Variants in PTGER2 observed in about 807,000 individuals in gnomAD.
PTGER2 encodes the protein prostaglandin E2 receptor EP2 subtype.
In PTGER2, 22 loss-of-function variants were observed where a neutral mutation model predicts 26.2. That is an observed-to-expected ratio of 0.84 (90% CI 0.60 to 1.20). PTGER2 has a LOEUF of 1.20. PTGER2 is among the 50% of genes most tolerant of loss of function. PTGER2 has a pLI of 0.00. For missense variants in PTGER2, 458 were observed against 475.2 expected, an observed-to-expected ratio of 0.96 and a Z score of 0.34; for synonymous variants, 219 against 208.9, an observed-to-expected ratio of 1.05 and a Z score of -0.42.
chr14:52,320,146 C>T (rs1364850269), intron 1 of PTGER2, among the ~76,000 whole-genome samples: 1 of 152,166 alleles, frequency 6.6e-6, no homozygotes, highest in Non-Finnish European at 1.5e-5. Flanking sequence ...AACTGGAAGG[C>T]CCTTTATCAT....
chr14:52,326,115 C>G (rs950730118), intron 1 of PTGER2, among the ~76,000 whole-genome samples: 7 of 152,176 alleles, frequency 4.6e-5, no homozygotes, highest in African/African-American at 1.7e-4. Context: ...TATTCCATTC[C>G]TTCCAACCTG....
rs868773265 is a variant in PTGER2, at chr14:52,315,327, C to A, written c.779C>A (p.Thr260Lys). The change falls in exon 1 of 2, where the codon ACG becomes AAG. Residue 260 changes from threonine (T) to lysine (K), a missense_variant. Coordinates refer to ENST00000245457, the MANE Select transcript of PTGER2 (RefSeq NM_000956.4). Reference sequence around the variant, plus strand: ...GAAAGGGTGTCCATGGCGGAGGAGACGGACCACCTCATTCTCCTGGCTATC... The same window carrying A: ...GAAAGGGTGTCCATGGCGGAGGAGAAGGACCACCTCATTCTCCTGGCTATC... ...RGERVSMAEE[T>K]DHLILLAIMT... is the part of the protein sequence containing the mutation. The A allele has an allele frequency of 6.2e-7, 1 of 1,613,246 alleles. No individual in the cohort carries two copies. The highest frequency in any genetic ancestry group is 8.5e-7 in the Non-Finnish European group (1 of 1,179,882).
At position 52,315,179 on chromosome 14, in the gene PTGER2, G is replaced by A. The variant is rs2033824589; in HGVS notation, c.631G>A (p.Val211Met). Residue 211 changes from valine (V) to methionine (M), a missense_variant, in exon 1 of 2, where the codon GTG (valine) becomes ATG (methionine). Coordinates refer to ENST00000245457, the MANE Select transcript of PTGER2 (RefSeq NM_000956.4). ...CCTGCTGCTGCTTCTCATTGTCTCG[G>A]TGCTCGCCTGCAACTTCAGTGTCAT... Reference protein sequence around the residue: ...ATLLLLLIVSVLACNFSVILN... With the variant: ...ATLLLLLIVSMLACNFSVILN... The A allele has an allele frequency of 2.5e-6, 4 of 1,608,272 alleles. No individual in the cohort carries two copies. The highest frequency in any genetic ancestry group is 1.3e-5 in the African/African-American group (1 of 74,874).
chr14:52,323,469 G>A (rs1336286941), intron 1 of PTGER2, among the ~76,000 whole-genome samples: 1 of 152,070 alleles, frequency 6.6e-6, no homozygotes, highest in Admixed American at 6.5e-5. Context: ...GGCCAGGCTG[G>A]TCTCAAACTT....
intron 1 of PTGER2, 53 bp downstream of exon 1, chr14:52,315,444 T>C: frequency 6.3e-7 from 1 of 1,599,482 alleles, no homozygotes; most frequent in Non-Finnish European, 8.5e-7. Flanking sequence ...CTTCTCATGC[T>C]CTCCCCTGAC....
intron 1 of PTGER2, among the ~76,000 whole-genome samples, chr14:52,326,047 C>G (rs375937025): frequency 3.9e-5 from 6 of 152,282 alleles, no homozygotes; most frequent in East Asian, 1.9e-4. Flanking sequence ...GTGTGATCTA[C>G]CTTTGTTTTC....
intron 1 of PTGER2, among the ~76,000 whole-genome samples, chr14:52,325,363 G>A (rs1318986583): frequency 1.3e-5 from 2 of 152,160 alleles, no homozygotes; most frequent in Middle Eastern, 3.2e-3. Context: ...TCATCTTAAT[G>A]TGTGAAGCTG....
chr14:52,325,176 C>A (rs2033936987), intron 1 of PTGER2, among the ~76,000 whole-genome samples: 1 of 151,978 alleles, frequency 6.6e-6, no homozygotes, highest in Admixed American at 6.6e-5. Flanking sequence ...TTGGTCACCT[C>A]CAAAGTGCAA....
rs529973637 is a variant in PTGER2 at position 52,323,067 on chromosome 14, G to A, written c.844-4154G>A. Among the ~76,000 whole-genome samples, 34 of 152,268 alleles carry A rather than the reference G, an allele frequency of 2.2e-4. No homozygotes were observed. The East Asian group carries it at 2.7e-3, about 12-fold the overall frequency. On this transcript the variant is annotated intron_variant, in intron 1 of 1. Coordinates refer to ENST00000245457, the MANE Select transcript of PTGER2 (RefSeq NM_000956.4). ...ATTAAGAGATTAAAGTAAGACAGGCGTAAGAAATTATAAGAGTATTATTTG... is the reference window on the plus strand; with the variant it reads ...ATTAAGAGATTAAAGTAAGACAGGCATAAGAAATTATAAGAGTATTATTTG...
intron 1 of PTGER2, among the ~76,000 whole-genome samples, chr14:52,322,300 G>A (rs978630406): frequency 6.6e-6 from 1 of 152,132 alleles, no homozygotes. Flanking sequence ...AGGGGAGGGG[G>A]TGTAAGCAGG....
chr14:52,315,219 G>T lies in PTGER2; in HGVS notation c.671G>T (p.Arg224Leu). ...TTCAGTGTCATTCTCAACCTCATCC[G>T]CATGCACCGCCGAAGCCGGAGAAGC... ...CNFSVILNLI[R>L]MHRRSRRSRC... Residue 224 changes from arginine to leucine, a missense_variant, in exon 1 of 2, where the codon CGC becomes CTC. By Grantham distance (102) the Arg-to-Leu change is moderately radical. Coordinates refer to ENST00000245457, the MANE Select transcript of PTGER2 (RefSeq NM_000956.4). 6.2e-7 allele frequency: 1 copy of T among 1,611,280 alleles called. No individual in the cohort carries two copies. The highest frequency in any genetic ancestry group is 8.5e-7 in the Non-Finnish European group (1 of 1,179,926).
intron 1 of PTGER2, among the ~76,000 whole-genome samples, chr14:52,318,333 C>A (rs945834308): frequency 6.6e-6 from 1 of 152,056 alleles, no homozygotes; most frequent in Non-Finnish European, 1.5e-5. Context: ...ATGCAAGCCA[C>A]AAACGGAATT....
chr14:52,320,858 C>A (rs1409041063), intron 1 of PTGER2, among the ~76,000 whole-genome samples: 3 of 152,188 alleles, frequency 2.0e-5, no homozygotes, highest in Non-Finnish European at 4.4e-5. Context: ...TTTAGAAAGG[C>A]TGAAAGTTCC....
intron 1 of PTGER2, among the ~76,000 whole-genome samples, chr14:52,325,728 T>C (rs1417154280): frequency 1.3e-5 from 2 of 152,222 alleles, no homozygotes; most frequent in Non-Finnish European, 2.9e-5. Context: ...TTCTTCTTTT[T>C]CCTTACTCAT....
At chr14:52,318,968 C>A (rs967034631) in intron 1 of PTGER2, among the ~76,000 whole-genome samples, 4 of 152,174 alleles carry the variant, frequency 2.6e-5, no homozygotes, top group African/African-American at 9.7e-5. Context: ...ATCGTACAGA[C>A]GAGGCAAATG....
chr14:52,321,916 C>T (rs546308670), intron 1 of PTGER2, among the ~76,000 whole-genome samples: 1 of 152,258 alleles, frequency 6.6e-6, no homozygotes, highest in Admixed American at 6.5e-5. Context: ...GTTTGATTGA[C>T]CTAAGTGGGC....
intron 1 of PTGER2, among the ~76,000 whole-genome samples, chr14:52,326,875 T>C (rs1217611114): frequency 6.6e-6 from 1 of 152,224 alleles, no homozygotes; most frequent in East Asian, 1.9e-4. Context: ...GAGCTACTAA[T>C]ATTATCATTA....
chr14:52,323,189 T>A (rs1450876811), intron 1 of PTGER2, among the ~76,000 whole-genome samples: 4 of 152,170 alleles, frequency 2.6e-5, no homozygotes, highest in Middle Eastern at 3.2e-3. Context: ...TCCTGCAACA[T>A]CTGGGGAAGG....
chr14:52,315,829 G>T (rs1323395015), intron 1 of PTGER2, among the ~76,000 whole-genome samples: 1 of 152,194 alleles, frequency 6.6e-6, no homozygotes, highest in Non-Finnish European at 1.5e-5. Context: ...CACTGGTGCT[G>T]GTTCTCCATG....
Sources: allele counts gnomAD v4.1 joint callset (sites outside exome capture counted in the v4.1 genomes callset), GRCh38; gene constraint gnomAD v4.1.1; transcripts MANE v1.5; gene names NCBI Gene and HGNC (gene_info 2026-07-23, HGNC 2026-07-21).